HOOK1: variants seen among roughly 807,000 people sequenced by gnomAD.
HOOK1 encodes protein Hook homolog 1.
A neutral mutation model predicts 112.8 loss-of-function variants in HOOK1; 60 were observed. The observed-to-expected ratio is 0.53, with a 90% CI of 0.43 to 0.66. The LOEUF is 0.66. Ranked by LOEUF, HOOK1 falls within the 30% of genes least tolerant of loss-of-function variation. HOOK1 has a pLI of 0.00. For missense variants in HOOK1, 770 were observed against 856.0 expected (o/e 0.90, Z 1.25); for synonymous variants, 294 against 283.8 (o/e 1.04, Z -0.36).
intron 9 of HOOK1, 40 bp from the exon 10 acceptor site, chr1:59,847,005 T>C (rs753841536): frequency 1.3e-6 from 2 of 1,512,494 alleles, no homozygotes; most frequent in Non-Finnish European, 1.8e-6. Flanking sequence ...TTATAACAAA[T>C]CATGGAAGTT....
chr1:59,857,574 G>C (rs1408531061), intron 12 of HOOK1, among the ~76,000 whole-genome samples: 1 of 151,930 alleles, frequency 6.6e-6, no homozygotes, highest in African/African-American at 2.4e-5. Flanking sequence ...CCAACTTTAG[G>C]GTTCAGAGAT....
At chr1:59,836,850 A>G (rs1174470656) in intron 6 of HOOK1, 23 bp from the exon 7 acceptor site, 3 of 1,316,254 alleles carry the variant, frequency 2.3e-6, no homozygotes, top group Non-Finnish European at 3.2e-6. Context: ...GTTATACTTA[A>G]TTTTATTATT....
At chr1:59,823,074 A>G (rs1342186488) in intron 2 of HOOK1, among the ~76,000 whole-genome samples, 1 of 152,212 alleles carries the variant, frequency 6.6e-6, no homozygotes, top group East Asian at 1.9e-4. Flanking sequence ...TAATCCCAGC[A>G]CTTCGGGAGG....
intron 1 of HOOK1, among the ~76,000 whole-genome samples, chr1:59,818,916 T>C (rs1317805194): frequency 3.9e-5 from 6 of 152,114 alleles, no homozygotes; most frequent in Non-Finnish European, 5.9e-5. Flanking sequence ...TCTGTGACAT[T>C]TATATTAAAG....
chr1:59,820,685 G>T (rs2098384972), intron 1 of HOOK1, among the ~76,000 whole-genome samples: 1 of 151,632 alleles, frequency 6.6e-6, no homozygotes, highest in Admixed American at 6.6e-5. Context: ...CCCATTTTTT[G>T]CAGAACATTT....
At chr1:59,839,371 C>T (rs1312437392) in intron 7 of HOOK1, among the ~76,000 whole-genome samples, 1 of 152,160 alleles carries the variant, frequency 6.6e-6, no homozygotes, top group African/African-American at 2.4e-5. Flanking sequence ...TCTTTTATTT[C>T]ATTGAGCAGT....
intron 2 of HOOK1, among the ~76,000 whole-genome samples, chr1:59,824,797 T>C (rs949996727): frequency 6.6e-6 from 1 of 152,204 alleles, no homozygotes; most frequent in African/African-American, 2.4e-5. Context: ...AGCACATAAC[T>C]CTCTTTTTCA....
chr1:59,822,021 C>A, intron 2 of HOOK1, 78 bp downstream of exon 2: 1 of 1,162,260 alleles, frequency 8.6e-7, no homozygotes, highest in Non-Finnish European at 1.3e-6. Context: ...GACTTGAATT[C>A]CAAAGGTTGT....
chr1:59,858,612 G>A (rs753509744), intron 13 of HOOK1, 97 bp downstream of exon 13: 13 of 804,714 alleles, frequency 1.6e-5, no homozygotes, highest in Middle Eastern at 4.5e-4. Flanking sequence ...GGTGGCGCAT[G>A]CCTATAGTCC....
rs1418665294 is a variant in HOOK1, at chr1:59,855,957, T to TAAAAAA, written c.1243-2470_1243-2469insAAAAAA. On this transcript the variant is annotated intron_variant, in intron 12 of 21. Transcript: ENST00000371208. ...CCCAGCTAATTTATATATATATATA[T>TAAAAAA]ATAAATTATTATATATATATATATA... 4.7e-4 allele frequency among the ~76,000 whole-genome samples: 49 copies of TAAAAAA among 104,464 alleles called. 1 individual carries two copies. Among genetic ancestry groups the TAAAAAA allele is most frequent in the African/African-American group, 1.8e-3 (41 of 23,274 alleles). 68.5% of individuals were successfully genotyped at this position (104,464 alleles called of 152,430 possible). A position where few individuals can be genotyped will look rare whatever the true frequency, so the allele number is the denominator to read the frequency against.
chr1:59,864,261 T>G (rs924438819), intron 16 of HOOK1, among the ~76,000 whole-genome samples: 1 of 151,858 alleles, frequency 6.6e-6, no homozygotes, highest in Non-Finnish European at 1.5e-5. Context: ...AATCTTAAAA[T>G]TTTTATTCTG....
intron 10 of HOOK1, 133 bp downstream of exon 10, chr1:59,847,318 T>C: frequency 1.3e-6 from 1 of 767,282 alleles, no homozygotes. Context: ...TAATCCAGGC[T>C]GATAGTTTTA....
intron 1 of HOOK1, among the ~76,000 whole-genome samples, chr1:59,818,800 GT>G (rs903063874): frequency 6.8e-4 from 104 of 151,906 alleles, no homozygotes; most frequent in African/African-American, 2.4e-3. Context: ...AGCAATGGTT[GT>G]TTTTTTTGTA....
chr1:59,854,459 A>G (rs184280853), intron 12 of HOOK1, among the ~76,000 whole-genome samples: 140 of 149,488 alleles, frequency 9.4e-4, no homozygotes, highest in African/African-American at 3.3e-3. Context: ...TCCTTTTAGT[A>G]TTTTTCTATA....
rs560143834 is a variant in HOOK1 at position 59,840,343 on chromosome 1, A to T, written c.573A>T (p.Leu191=). 20 of 1,600,094 alleles carry T rather than the reference A, an allele frequency of 1.2e-5. No homozygotes were observed. The East Asian group carries it at 3.8e-4, about 31-fold the overall frequency. ...CCTTGGAAGAACTTCAGGAAGCACT[A>T]GCAGAAAAAGAAGAGCTGAGGCAAA... The part of the protein sequence containing the change: ...KRALEELQEA[L]AEKEELRQRC... Residue 191 remains leucine (L), a synonymous_variant, in exon 8 of 22, where the codon CTA becomes CTT. Coordinates refer to ENST00000371208, the MANE Select transcript of HOOK1 (RefSeq NM_015888.6).
At chr1:59,847,291 A>G in intron 10 of HOOK1, 106 bp downstream of exon 10, 1 of 981,064 alleles carries the variant, frequency 1.0e-6, no homozygotes, top group Non-Finnish European at 1.5e-6. Flanking sequence ...CCTGTATATC[A>G]AGTATTGATC....
At chr1:59,870,698 C>T (rs1348869584) in intron 20 of HOOK1, among the ~76,000 whole-genome samples, 3 of 152,170 alleles carry the variant, frequency 2.0e-5, no homozygotes, top group African/African-American at 7.2e-5. Flanking sequence ...GACCCCTCCA[C>T]GGGTGCAGCT....
intron 5 of HOOK1, 143 bp downstream of exon 5, chr1:59,833,680 C>A: frequency 1.6e-6 from 1 of 622,422 alleles, no homozygotes; most frequent in Non-Finnish European, 2.5e-6. Context: ...TCTAGCCCAA[C>A]TCTGTCGTTG....
rs750104058 is a variant in HOOK1, at chr1:59,865,258, G to A, written c.1744+13G>A. On this transcript the variant is annotated intron_variant, in intron 18 of 21. Coordinates refer to ENST00000371208, the MANE Select transcript of HOOK1 (RefSeq NM_015888.6). ...ATAAATCAAAATGGTAGGTATCTGT[G>A]AAAACTTGGATCAGACAACAGTATA... is the stretch of plus-strand genomic sequence containing the variant. The A allele has an allele frequency of 7.9e-6, 12 of 1,510,280 alleles. No homozygotes were observed. In the Admixed American group the frequency reaches 2.0e-4, roughly 25 times the overall value. 93.6% of individuals were successfully genotyped at this position (1,510,280 alleles called of 1,614,324 possible). A position where few individuals can be genotyped will look rare whatever the true frequency, so the allele number is the denominator to read the frequency against.
Sources: gnomAD v4.1 joint callset for allele counts (sites outside exome capture counted in the v4.1 genomes callset) on GRCh38, gnomAD v4.1.1 for gene constraint, MANE v1.5 for transcripts, NCBI Gene and HGNC (gene_info 2026-07-23, HGNC 2026-07-21) for gene names.